Variants in MCTP1 observed in about 807,000 individuals in gnomAD.
MCTP1 encodes multiple C2 and transmembrane domain-containing protein 1.
In MCTP1, 69 loss-of-function variants were observed where a neutral mutation model predicts 120.6. That is an observed-to-expected ratio of 0.57 (90% confidence interval 0.47 to 0.70). The LOEUF is 0.70. MCTP1 is among the 30% of genes least tolerant of loss of function. The pLI, the probability that MCTP1 is intolerant of heterozygous loss-of-function variation, is 0.00. For missense variants in MCTP1, 1,203 were observed against 1,248.8 expected, an observed-to-expected ratio of 0.96 and a Z score of 0.55; for synonymous variants, 529 against 493.1, an observed-to-expected ratio of 1.07 and a Z score of -0.96.
chr5:94,748,227 A>C (rs1387759550), intron 19 of MCTP1, among the ~76,000 whole-genome samples: 1 of 152,212 alleles, frequency 6.6e-6, no homozygotes, highest in Non-Finnish European at 1.5e-5. Flanking sequence ...TTTTAAACTC[A>C]GTTTCTTCAT....
At chr5:95,187,953 C>T (rs1749409732) in intron 1 of MCTP1, among the ~76,000 whole-genome samples, 3 of 152,092 alleles carry the variant, frequency 2.0e-5, no homozygotes, top group Admixed American at 2.0e-4. Flanking sequence ...TTACACATTG[C>T]ATGCCTGTAT....
At position 94,987,788 on chromosome 5, in the gene MCTP1, A is replaced by C. The variant is rs1046817491; in HGVS notation, c.838+29579T>G. Among the ~76,000 whole-genome samples, 3 of 152,178 alleles carry C rather than the reference A, an allele frequency of 2.0e-5. 1 individual carries two copies. The highest frequency in any genetic ancestry group is 4.4e-5 in the Non-Finnish European group (3 of 68,018). On this transcript the variant is annotated intron_variant, in intron 2 of 22. Coordinates refer to ENST00000515393, the MANE Select transcript of MCTP1 (RefSeq NM_024717.7). ...GCAGTGTGGGCAGTGTACTACTTTT[A>C]ATAAGTAAAATGCATGATTTGATGA...
intron 17 of MCTP1, 148 bp from the exon 18 acceptor site, chr5:94,799,280 G>T (rs945317268): frequency 4.1e-6 from 3 of 725,392 alleles, no homozygotes; most frequent in Non-Finnish European, 4.3e-6. Flanking sequence ...GAAACTTTTA[G>T]ACATTTTTCT....
chr5:94,751,244 G>T (rs1768223770), intron 19 of MCTP1, among the ~76,000 whole-genome samples: 1 of 151,980 alleles, frequency 6.6e-6, no homozygotes, highest in South Asian at 2.1e-4. Flanking sequence ...TGAGTTAGGG[G>T]TTTAAACAGA....
chr5:95,114,583 G>A (rs1323300097), intron 1 of MCTP1, among the ~76,000 whole-genome samples: 2 of 152,226 alleles, frequency 1.3e-5, no homozygotes, highest in Admixed American at 6.5e-5. Context: ...GAAAGGGGAG[G>A]GAAGAGCAGA....
At chr5:95,081,924 C>A (rs985420401) in intron 1 of MCTP1, 1 of 697,744 alleles carries the variant, frequency 1.4e-6, no homozygotes, top group African/African-American at 2.0e-5. Flanking sequence ...AACTATTCTG[C>A]TTGTTCTCTG....
At chr5:94,860,735 G>T (rs1795620489) in intron 17 of MCTP1, among the ~76,000 whole-genome samples, 1 of 151,110 alleles carries the variant, frequency 6.6e-6, no homozygotes, top group Admixed American at 6.6e-5. Flanking sequence ...GTAAAAACTG[G>T]TTCTTGAGCT....
chr5:95,074,436 T>A (rs1562116289), intron 1 of MCTP1, among the ~76,000 whole-genome samples: 2 of 152,376 alleles, frequency 1.3e-5, no homozygotes, highest in African/African-American at 4.8e-5. Flanking sequence ...TAATTAATAG[T>A]TATAGAGTAT....
intron 18 of MCTP1, among the ~76,000 whole-genome samples, chr5:94,793,010 C>T (rs194257): frequency 0.9 from 137,419 of 152,196 alleles, 62,405 homozygotes; most frequent in African/African-American, 0.96. Flanking sequence ...TCTGTGTTTT[C>T]ATTTGCTCAA....
In MCTP1 at chr5:95,179,364, T is replaced by C. The variant is rs141652698; in HGVS notation, c.720+104492A>G. ...GAAATTCATTACAAAAAGATCATCATCTAGGCACATAGTCATCAGGTTATC... is the reference window on the plus strand; with the variant it reads ...GAAATTCATTACAAAAAGATCATCACCTAGGCACATAGTCATCAGGTTATC... On this transcript the variant is annotated intron_variant, in intron 1 of 22. Coordinates refer to ENST00000515393, the MANE Select transcript of MCTP1 (RefSeq NM_024717.7). Among the ~76,000 whole-genome samples, 754 of 152,242 alleles carry C rather than the reference T, an allele frequency of 5.0e-3. 7 individuals are homozygous for C. The highest frequency in any genetic ancestry group is 0.016 in the African/African-American group (679 of 41,558).
chr5:94,859,758 C>T (rs993467048), intron 17 of MCTP1, among the ~76,000 whole-genome samples: 5 of 151,674 alleles, frequency 3.3e-5, no homozygotes, highest in African/African-American at 9.7e-5. Context: ...ACTAACATCA[C>T]GTCAAAATAT....
At chr5:94,985,416 A>C (rs572414192) in intron 2 of MCTP1, among the ~76,000 whole-genome samples, 1 of 152,254 alleles carries the variant, frequency 6.6e-6, no homozygotes, top group Non-Finnish European at 1.5e-5. Flanking sequence ...CTTCTGTTTA[A>C]ATTTTTACAC....
intron 11 of MCTP1, 71 bp from the exon 12 acceptor site, chr5:94,889,043 A>G: frequency 9.8e-7 from 1 of 1,018,202 alleles, no homozygotes; most frequent in Admixed American, 1.9e-5. Context: ...CTGAGAAAAC[A>G]TTACATTTTT....
chr5:94,786,868 A>C (rs976740697), intron 18 of MCTP1, among the ~76,000 whole-genome samples: 7 of 152,180 alleles, frequency 4.6e-5, no homozygotes, highest in Non-Finnish European at 8.8e-5. Context: ...TATGTTTCTG[A>C]TGCAATCGAG....
chr5:95,145,221 GT>G (rs1421356653), intron 1 of MCTP1, among the ~76,000 whole-genome samples: 2 of 152,092 alleles, frequency 1.3e-5, no homozygotes, highest in Non-Finnish European at 2.9e-5. Flanking sequence ...GTATAGAAAT[GT>G]TACTGATTTT....
intron 17 of MCTP1, among the ~76,000 whole-genome samples, chr5:94,821,118 G>A (rs1785548774): frequency 6.6e-6 from 1 of 152,172 alleles, no homozygotes; most frequent in Non-Finnish European, 1.5e-5. Context: ...TGCTAGAGTT[G>A]CTTTGACGGA....
At chr5:95,036,298 AT>A (rs1841281636) in intron 1 of MCTP1, among the ~76,000 whole-genome samples, 1 of 152,210 alleles carries the variant, frequency 6.6e-6, no homozygotes, top group Non-Finnish European at 1.5e-5. Context: ...TAATACTTGA[AT>A]TTTTGAGATT....
At chr5:95,019,716 T>G (rs1293244044) in intron 1 of MCTP1, among the ~76,000 whole-genome samples, 1 of 152,086 alleles carries the variant, frequency 6.6e-6, no homozygotes, top group African/African-American at 2.4e-5. Context: ...TGTTCTAATT[T>G]TTTTCAAGTT....
chr5:95,135,496 T>C (rs1305711898), intron 1 of MCTP1, among the ~76,000 whole-genome samples: 1 of 152,192 alleles, frequency 6.6e-6, no homozygotes, highest in Non-Finnish European at 1.5e-5. Context: ...GTGAGGGTGC[T>C]GGCAAAGGAG....
Sources: gnomAD v4.1 joint callset for allele counts (sites outside exome capture counted in the v4.1 genomes callset) on GRCh38, gnomAD v4.1.1 for gene constraint, MANE v1.5 for transcripts, NCBI Gene and HGNC (gene_info 2026-07-23, HGNC 2026-07-21) for gene names.